Variants in ACTN2 observed in about 807,000 individuals in gnomAD.
ACTN2 encodes actinin alpha 2.
Under a neutral mutation model 113.8 loss-of-function variants are expected in ACTN2, and 39 were observed. That is an observed-to-expected ratio of 0.34 (90% CI 0.27 to 0.45). The LOEUF (loss-of-function observed/expected upper bound fraction) is 0.45. Ranked by LOEUF, ACTN2 falls within the 20% of genes least tolerant of loss-of-function variation. The pLI, the probability that ACTN2 is intolerant of heterozygous loss-of-function variation, is 1.00. For synonymous variants in ACTN2, 429 were observed against 444.1 expected (o/e 0.97, Z 0.43); for missense variants, 992 against 1,177.9 (o/e 0.84, Z 2.31).
Position 236,717,840 on chromosome 1 carries a change from G to T in ACTN2, c.127-18G>T. 6.4e-7 allele frequency: 1 copy of T among 1,568,646 alleles called. No homozygotes were observed. The highest frequency in any genetic ancestry group is 8.8e-7 in the Non-Finnish European group (1 of 1,138,710). ...ATCCGATGGACCTGTGCTAAACCGT[G>T]TTTGGTTTTCTTTGCAGACCTTCAC... On this transcript the variant is annotated intron_variant, in intron 1 of 20. Coordinates refer to ENST00000366578, the MANE Select transcript of ACTN2 (RefSeq NM_001103.4).
At chr1:236,740,637 A>G (rs796773824) in intron 10 of ACTN2, among the ~76,000 whole-genome samples, 5 of 151,572 alleles carry the variant, frequency 3.3e-5, no homozygotes, top group African/African-American at 7.3e-5. Context: ...AGTTCAAGCA[A>G]TTCTCCTGCC....
intron 1 of ACTN2, among the ~76,000 whole-genome samples, chr1:236,712,414 T>C (rs373750430): frequency 2.2e-4 from 33 of 152,348 alleles, no homozygotes; most frequent in African/African-American, 6.7e-4. Context: ...TTGACTCTTA[T>C]GAGTATTCAT....
chr1:236,738,208 C>T (rs1431383948), intron 9 of ACTN2, among the ~76,000 whole-genome samples: 7 of 152,218 alleles, frequency 4.6e-5, no homozygotes, highest in South Asian at 2.1e-4. Flanking sequence ...GGAGTTTCAC[C>T]GTGGTAGCCT....
At chr1:236,746,193 A>G (rs996740992) in intron 12 of ACTN2, among the ~76,000 whole-genome samples, 1 of 151,694 alleles carries the variant, frequency 6.6e-6, no homozygotes. Flanking sequence ...AGAAAGAAAA[A>G]AAAAAAGAAA....
At chr1:236,727,517 T>C (rs1000766163) in intron 5 of ACTN2, among the ~76,000 whole-genome samples, 161 bp from the exon 6 acceptor site, 3 of 139,872 alleles carry the variant, frequency 2.1e-5, no homozygotes, top group South Asian at 2.2e-4. Context: ...GGGAAGAAGA[T>C]GAGTGTTCAA....
At chr1:236,718,783 C>G in intron 2 of ACTN2, 111 bp from the exon 3 acceptor site, 1 of 1,461,826 alleles carries the variant, frequency 6.8e-7, no homozygotes, top group East Asian at 2.3e-5. Context: ...CAGAAATAGT[C>G]ATGTAACCTT....
rs1659305584 is a variant in ACTN2 at position 236,748,660 on chromosome 1, G to A, written c.1516-464G>A. On this transcript the variant is annotated intron_variant, in intron 13 of 20. Coordinates refer to ENST00000366578, the MANE Select transcript of ACTN2 (RefSeq NM_001103.4). ...AATGAGGATTTGAGAGCATGAACCT[G>A]CAGTTCCTTCTCTCTCCATTAGGTA... is the stretch of plus-strand genomic sequence containing the variant. 2.0e-5 allele frequency among the ~76,000 whole-genome samples: 3 copies of A among 152,160 alleles called. No individual in the cohort carries two copies. The South Asian group carries it at 6.2e-4, about 32-fold the overall frequency.
At chr1:236,729,877 G>A (rs564166248) in intron 6 of ACTN2, among the ~76,000 whole-genome samples, 4 of 152,302 alleles carry the variant, frequency 2.6e-5, no homozygotes, top group Non-Finnish European at 5.9e-5. Flanking sequence ...CAAAACATCC[G>A]TAGATCTGTA....
At chr1:236,737,299 A>ATT (rs1491307322) in intron 9 of ACTN2, 85 bp downstream of exon 9, 4 of 146,706 alleles carry the variant, frequency 2.7e-5, no homozygotes, top group South Asian at 1.1e-4. Flanking sequence ...CCGTGGGGGC[A>ATT]TATATATATA....
chr1:236,690,598 C>T (rs948881570), intron 1 of ACTN2, among the ~76,000 whole-genome samples: 7 of 152,120 alleles, frequency 4.6e-5, no homozygotes, highest in South Asian at 2.1e-4. Flanking sequence ...TATGGTGAAG[C>T]GGCTTTATAC....
chr1:236,744,465 C>A (rs548723162), intron 11 of ACTN2, among the ~76,000 whole-genome samples, 161 bp from the exon 12 acceptor site: 1 of 152,298 alleles, frequency 6.6e-6, no homozygotes, highest in East Asian at 1.9e-4. Context: ...CAGGTAACAG[C>A]CTGAATTCCA....
rs575857925 is a variant in ACTN2 at position 236,707,517 on chromosome 1, A to G, written c.127-10341A>G. ...AATGATTTAATTCTCTTTCAGTTTC[A>G]ACCCCACGGCACCACTCAAGTTTCT... On this transcript the variant is annotated intron_variant, in intron 1 of 20. Transcript: ENST00000366578. 3.3e-5 allele frequency among the ~76,000 whole-genome samples: 5 copies of G among 152,166 alleles called. No homozygotes were observed. The East Asian group carries it at 9.7e-4, about 29-fold the overall frequency.
At chr1:236,711,478 A>G (rs1373210970) in intron 1 of ACTN2, among the ~76,000 whole-genome samples, 1 of 152,166 alleles carries the variant, frequency 6.6e-6, no homozygotes, top group Non-Finnish European at 1.5e-5. Context: ...TCTCCTGAGT[A>G]GCTGAGATTA....
chr1:236,728,393 T>A (rs1658621335), intron 6 of ACTN2, among the ~76,000 whole-genome samples: 1 of 152,214 alleles, frequency 6.6e-6, no homozygotes, highest in Non-Finnish European at 1.5e-5. Context: ...TCCGCCCGCC[T>A]CAGCCTCCCA....
Position 236,755,040 on chromosome 1 carries a change from C to G in ACTN2, c.1996C>G (p.Gln666Glu). Residue 666 changes from glutamine (Q) to glutamate (E), a missense_variant, in exon 17 of 21, where the codon CAG becomes GAG. By Grantham distance (29) the Gln-to-Glu change is conservative. This residue lies in a region of ACTN2 where 736 missense variants were observed against 815.4 expected (regional missense o/e 0.90). Coordinates refer to ENST00000366578, the MANE Select transcript of ACTN2 (RefSeq NM_001103.4). ...KMEEIARSSI[Q>E]ITGALEDQMN... is the part of the protein sequence containing the mutation. Reference sequence around the variant, plus strand: ...TCAGGAGATTGCCCGGAGCTCCATCCAGATCACAGGAGCCCTGGAAGACCA... The same window carrying G: ...TCAGGAGATTGCCCGGAGCTCCATCGAGATCACAGGAGCCCTGGAAGACCA... The G allele has an allele frequency of 6.2e-7, 1 of 1,614,228 alleles. No homozygotes were observed. Among genetic ancestry groups the G allele is most frequent in the Non-Finnish European group, 8.5e-7 (1 of 1,180,040 alleles).
At chr1:236,711,905 T>A (rs1392370345) in intron 1 of ACTN2, among the ~76,000 whole-genome samples, 3 of 152,196 alleles carry the variant, frequency 2.0e-5, no homozygotes, top group African/African-American at 7.2e-5. Flanking sequence ...TGGATTGAGC[T>A]ATAAGTTGAG....
chr1:236,695,854 G>A (rs983549187), intron 1 of ACTN2, among the ~76,000 whole-genome samples: 2 of 152,112 alleles, frequency 1.3e-5, no homozygotes, highest in Admixed American at 1.3e-4. Flanking sequence ...TTGCTAGGGG[G>A]TAAATGTGTT....
chr1:236,721,015 G>GGGT, intron 4 of ACTN2, among the ~76,000 whole-genome samples: 15 of 49,136 alleles, frequency 3.1e-4, no homozygotes, highest in Non-Finnish European at 2.0e-4. Context: ...TCTGGTTTTT[G>GGGT]TTTTTTGTTT....
chr1:236,694,910 T>A (rs1229921254), intron 1 of ACTN2, among the ~76,000 whole-genome samples: 2 of 151,092 alleles, frequency 1.3e-5, no homozygotes, highest in Non-Finnish European at 2.9e-5. Flanking sequence ...ACAAAAAAAA[T>A]TTAAAAATTA....
Sources: gnomAD v4.1 joint callset for allele counts (sites outside exome capture counted in the v4.1 genomes callset) on GRCh38, gnomAD v4.1.1 for gene constraint, gnomAD v4.1.1 regional missense constraint, MANE v1.5 for transcripts, NCBI Gene and HGNC (gene_info 2026-07-23, HGNC 2026-07-21) for gene names.